APLP1: variants seen among roughly 807,000 people sequenced by gnomAD.
APLP1 encodes amyloid beta (A4) precursor-like protein 1.
A neutral mutation model predicts 84.5 loss-of-function variants in APLP1; 46 were observed. The observed-to-expected ratio is 0.54, with a 90% confidence interval of 0.43 to 0.70. The LOEUF is 0.70. APLP1 is among the 30% of genes least tolerant of loss of function. The pLI is 0.00. For synonymous variants in APLP1, 376 were observed against 364.0 expected (o/e 1.03, Z -0.38); for missense variants, 826 against 900.2 (o/e 0.92, Z 1.05).
chr19:35,871,830 C>A, intron 5 of APLP1, 28 bp from the exon 6 acceptor site: 2 of 1,612,930 alleles, frequency 1.2e-6, no homozygotes, highest in Non-Finnish European at 1.7e-6. Flanking sequence ...TGGGTTCTTA[C>A]TGCCTGGGTC....
In APLP1 at chr19:35,879,055, C is replaced by T. The variant is rs1328674488; in HGVS notation, c.1714-19C>T. 6.2e-7 allele frequency: 1 copy of T among 1,612,822 alleles called. No individual in the cohort carries two copies. Among genetic ancestry groups the T allele is most frequent in the Admixed American group, 1.7e-5 (1 of 60,020 alleles). ...AGGACCCTCAAAGAAGCCCTCTGCC[C>T]CATCTCCTCTCCCTGCAGGCACCAG... On this transcript the variant is annotated intron_variant, in intron 15 of 16. Coordinates refer to ENST00000221891, the MANE Select transcript of APLP1 (RefSeq NM_001024807.3).
At chr19:35,875,412 G>A (rs1017165509) in intron 10 of APLP1, among the ~76,000 whole-genome samples, 18 of 149,894 alleles carry the variant, frequency 1.2e-4, no homozygotes, top group Admixed American at 2.0e-4. Flanking sequence ...TGCAACCTCC[G>A]CCTACTGGGT....
At position 35,872,621 on chromosome 19, in the gene APLP1, T is replaced by C. The variant is rs781589098; in HGVS notation, c.981+8T>C. On this transcript the variant is annotated splice_region_variant and intron_variant, in intron 7 of 16. Coordinates refer to ENST00000221891, the MANE Select transcript of APLP1 (RefSeq NM_001024807.3). ...ATGCGCCAGATTAATGAGGTGATAA[T>C]ACTGGGGGCCCCAGGACCCCCTACA... 7 of 1,610,482 alleles carry C rather than the reference T, an allele frequency of 4.3e-6. No homozygotes were observed. The highest frequency in any genetic ancestry group is 4.2e-6 in the Non-Finnish European group (5 of 1,177,916).
At position 35,878,875 on chromosome 19, in the gene APLP1, C is replaced by T. The variant is rs771248997; in HGVS notation, c.1651-15C>T. ...TGCCAGGCTTCTGGGTTCCTGACAC[C>T]TCCTGCTCCCCCAGGTGAATGCGTC... is the stretch of plus-strand genomic sequence containing the variant. On this transcript the variant is annotated splice_polypyrimidine_tract_variant and intron_variant, in intron 14 of 16. Transcript: ENST00000221891. 1 of 1,613,960 alleles carries T rather than the reference C, an allele frequency of 6.2e-7. No individual in the cohort carries two copies. Among genetic ancestry groups the T allele is most frequent in the African/African-American group, 1.3e-5 (1 of 74,900 alleles).
chr19:35,876,292 A>T (rs1318743588), intron 10 of APLP1, among the ~76,000 whole-genome samples: 1 of 151,692 alleles, frequency 6.6e-6, no homozygotes, highest in Admixed American at 6.6e-5. Flanking sequence ...CCAATCCTCA[A>T]TCTCTGTCTC....
intron 1 of APLP1, chr19:35,869,102 G>A (rs1974072928): frequency 1.0e-5 from 3 of 299,206 alleles, no homozygotes; most frequent in Non-Finnish European, 1.8e-5. Flanking sequence ...CAAGCAGCGA[G>A]GCATTTAGAT....
rs745484261 is a variant in APLP1, at chr19:35,871,947, A to G, written c.761A>G (p.Asp254Gly). 1 of 1,613,986 alleles carries G rather than the reference A, an allele frequency of 6.2e-7. No homozygotes were observed. Among genetic ancestry groups the G allele is most frequent in the African/African-American group, 1.3e-5 (1 of 74,898 alleles). The change falls in exon 6 of 17, where the codon GAT becomes GGT. Residue 254 changes from aspartate to glycine, a missense_variant. Physicochemically the swap from Asp to Gly is moderately conservative, Grantham distance 94. Around this residue, in one of 3 missense-constraint regions of APLP1, gnomAD observed 383 missense variants for 378.3 expected, o/e 1.01. Transcript: ENST00000221891. ...GAGGAATCCTTCCCACAGCCAGTAG[A>G]TGATTACTTCGTGGAGCCTCCGCAG... Reference protein sequence around the residue: ...EEEESFPQPVDDYFVEPPQAE... With the variant: ...EEEESFPQPVGDYFVEPPQAE...
At chr19:35,876,335 T>C (rs892888513) in intron 10 of APLP1, among the ~76,000 whole-genome samples, 182 bp from the exon 11 acceptor site, 1 of 152,182 alleles carries the variant, frequency 6.6e-6, no homozygotes, top group Non-Finnish European at 1.5e-5. Flanking sequence ...TTCTGTTCCT[T>C]GGACTTTATT....
chr19:35,879,163 G>T lies in APLP1; in HGVS notation c.1803G>T (p.Met601Ile). The change falls in exon 16 of 17, where the codon ATG becomes ATT. Residue 601 changes from methionine to isoleucine, a missense_variant. Coordinates refer to ENST00000221891, the MANE Select transcript of APLP1 (RefSeq NM_001024807.3). Reference protein sequence around the residue: ...AGGGSLIVLSMLLLRRKKPYG... With the variant: ...AGGGSLIVLSILLLRRKKPYG... The stretch of plus-strand genomic sequence containing the variant: ...GAGGCTCCCTCATCGTCCTCTCCAT[G>T]CTGCTCCTGCGCAGGAAGAAGCCCT... 6.2e-7 allele frequency: 1 copy of T among 1,612,940 alleles called. No homozygotes were observed.
intron 10 of APLP1, among the ~76,000 whole-genome samples, chr19:35,875,142 TG>T (rs1196171314): frequency 6.7e-6 from 1 of 149,900 alleles, no homozygotes; most frequent in Non-Finnish European, 1.5e-5. Context: ...GGATTTTCAC[TG>T]CCTTTCCCAG....
chr19:35,872,364 C>T lies in APLP1; in HGVS notation c.851-119C>T, dbSNP rs1015054717. ...CATCTCCCATAATGCCAGGCAGCAG[C>T]GGTGGCTAAACTGGGTGCATGATGG... On this transcript the variant is annotated intron_variant, in intron 6 of 16. Transcript: ENST00000221891. The T allele has an allele frequency of 1.5e-5, 21 of 1,357,864 alleles. No individual in the cohort carries two copies. In the Admixed American group the frequency reaches 1.7e-4, roughly 11 times the overall value. 84.1% of individuals were successfully genotyped at this position (1,357,864 alleles called of 1,614,324 possible).
chr19:35,874,267 T>C lies in APLP1; in HGVS notation c.1057-237T>C, dbSNP rs1025140273. Among the ~76,000 whole-genome samples the C allele has an allele frequency of 6.6e-6, 1 of 152,164 alleles. No individual in the cohort carries two copies. Among genetic ancestry groups the C allele is most frequent in the African/African-American group, 2.4e-5 (1 of 41,428 alleles). On this transcript the variant is annotated intron_variant, in intron 8 of 16. Coordinates refer to ENST00000221891, the MANE Select transcript of APLP1 (RefSeq NM_001024807.3). The surrounding 1 kb of genome is among the most constrained non-coding windows in gnomAD (Gnocchi z 6.4). ...ACATTGGTCAGTTCTGCTCCCAGAT[T>C]GCTCCCACTCAATCTTACAGTTTAC...
At position 35,868,707 on chromosome 19, in the gene APLP1, T is replaced by C; in HGVS notation, c.71T>C (p.Leu24Pro). Reference protein sequence around the residue: ...RPGQPPLPLLLPLLLLLLRAQ... With the variant: ...RPGQPPLPLLPPLLLLLLRAQ... ...GGCCAGCCGCCGCTGCCGCTGCTGCTGCCACTATTGCTGCTGCTTCTGCGC... is the reference window on the plus strand; with the variant it reads ...GGCCAGCCGCCGCTGCCGCTGCTGCCGCCACTATTGCTGCTGCTTCTGCGC... The change falls in exon 1 of 17, where the codon CTG becomes CCG. Residue 24 changes from leucine to proline, a missense_variant. This residue lies in a region of APLP1 where 383 missense variants were observed against 378.3 expected (regional missense o/e 1.01). Coordinates refer to ENST00000221891, the MANE Select transcript of APLP1 (RefSeq NM_001024807.3). The surrounding 1 kb of genome is among the most constrained non-coding windows in gnomAD (Gnocchi z 5.2). The C allele has an allele frequency of 7.1e-7, 1 of 1,415,084 alleles. No individual in the cohort carries two copies. The highest frequency in any genetic ancestry group is 9.2e-7 in the Non-Finnish European group (1 of 1,089,060). 87.7% of individuals were successfully genotyped at this position (1,415,084 alleles called of 1,614,324 possible). A position where few individuals can be genotyped will look rare whatever the true frequency, so the allele number is the denominator to read the frequency against.
chr19:35,874,624 G>C lies in APLP1; in HGVS notation c.1177G>C (p.Glu393Gln). ...CAACGACCAGCGCCGGGCTGCCTTG[G>C]AGGGCTTCCTGGCAGCCCTGCAGGC... The part of the protein sequence containing the change: ...LINDQRRAAL[E>Q]GFLAALQADP... Residue 393 changes from glutamate (E) to glutamine (Q), a missense_variant, in exon 9 of 17, where the codon GAG becomes CAG. Coordinates refer to ENST00000221891, the MANE Select transcript of APLP1 (RefSeq NM_001024807.3). The surrounding 1 kb of genome is among the most constrained non-coding windows in gnomAD (Gnocchi z 6.4). 6.2e-7 allele frequency: 1 copy of C among 1,613,780 alleles called. No individual in the cohort carries two copies. Among genetic ancestry groups the C allele is most frequent in the African/African-American group, 1.3e-5 (1 of 75,062 alleles).
At position 35,869,610 on chromosome 19, in the gene APLP1, G is replaced by A. The variant is rs1183215403; in HGVS notation, c.148-57G>A. 4 of 1,600,638 alleles carry A rather than the reference G, an allele frequency of 2.5e-6. No individual in the cohort carries two copies. The Admixed American group carries it at 5.3e-5, about 21-fold the overall frequency. On this transcript the variant is annotated intron_variant, in intron 1 of 16. Transcript: ENST00000221891. ...CTCGGTCCTAGGGAGCAAAGAACCAGGGGACCCTCATGCCAACGCCCCCCG... is the reference window on the plus strand; with the variant it reads ...CTCGGTCCTAGGGAGCAAAGAACCAAGGGACCCTCATGCCAACGCCCCCCG...
At position 35,871,850 on chromosome 19, in the gene APLP1, T is replaced by C; in HGVS notation, c.672-8T>C. The C allele has an allele frequency of 6.2e-7, 1 of 1,613,596 alleles. No individual in the cohort carries two copies. Among genetic ancestry groups the C allele is most frequent in the East Asian group, 2.2e-5 (1 of 44,854 alleles). The stretch of plus-strand genomic sequence containing the variant: ...TCTTACTGCCTGGGTCCTCTCCTGC[T>C]CCCTCAGTGACCCCTCCACCCGGTC... On this transcript the variant is annotated splice_region_variant and splice_polypyrimidine_tract_variant and intron_variant, in intron 5 of 16. Transcript: ENST00000221891.
Position 35,868,765 on chromosome 19 carries a change from G to C in APLP1, c.129G>C (p.Gly43=). 7.5e-7 allele frequency: 1 copy of C among 1,334,580 alleles called. No individual in the cohort carries two copies. Among genetic ancestry groups the C allele is most frequent in the Non-Finnish European group, 9.6e-7 (1 of 1,046,930 alleles). The allele number at this position is 1,334,580 out of a possible 1,614,324, so 82.7% of individuals were successfully genotyped here. Reference sequence around the variant, plus strand: ...CCGCCATCGGGAGCCTGGCCGGTGGGAGCCCCGGCGCGGCCGAGGTGAGGC... The same window carrying C: ...CCGCCATCGGGAGCCTGGCCGGTGGCAGCCCCGGCGCGGCCGAGGTGAGGC... ...AQPAIGSLAG[G]SPGAAEAPGS... is the part of the protein sequence containing the mutation. Residue 43 remains glycine (G), a synonymous_variant, in exon 1 of 17, where the codon GGG becomes GGC. Transcript: ENST00000221891. The surrounding 1 kb of genome is among the most constrained non-coding windows in gnomAD (Gnocchi z 5.2).
rs1410376383 is a variant in APLP1, at chr19:35,874,840, C to A, written c.1315C>A (p.Pro439Thr). The A allele has an allele frequency of 2.5e-6, 4 of 1,610,662 alleles. No individual in the cohort carries two copies. The African/African-American group carries it at 4.0e-5, about 16-fold the overall frequency. Residue 439 changes from proline (P) to threonine (T), a missense_variant, in exon 10 of 17, where the codon CCC (proline) becomes ACC (threonine). Physicochemically the swap from Pro to Thr is conservative, Grantham distance 38. This residue lies in a region of APLP1 where 433 missense variants were observed against 496.5 expected (regional missense o/e 0.87). Transcript: ENST00000221891. This position sits in a 1 kb window ranked among gnomAD's most constrained non-coding sequence, Gnocchi z 6.4. The stretch of plus-strand genomic sequence containing the variant: ...CTACCAGCATGTGGCCGCCGTGGAT[C>A]CCGAGAAGGCACAGCAGATGCGCTT... ...RHYQHVAAVDPEKAQQMRFQV... is the reference protein window; with the variant it reads ...RHYQHVAAVDTEKAQQMRFQV...
chr19:35,870,821 G>T (rs755473933), intron 2 of APLP1, 75 bp from the exon 3 acceptor site: 8 of 1,514,556 alleles, frequency 5.3e-6, no homozygotes, highest in Non-Finnish European at 7.1e-6. Context: ...AAAGAGAAAA[G>T]GGACCTGACT....
Sources: gnomAD v4.1 joint callset for allele counts (sites outside exome capture counted in the v4.1 genomes callset) on GRCh38, gnomAD v4.1.1 for gene constraint, gnomAD v4.1.1 regional missense constraint, Gnocchi (gnomAD v3.1) non-coding constraint, MANE v1.5 for transcripts, NCBI Gene and HGNC (gene_info 2026-07-23, HGNC 2026-07-21) for gene names.